QTMAN: variants seen among roughly 807,000 people sequenced by gnomAD.
QTMAN encodes the protein queuosine-tRNA mannosyltransferase, also known as tRNA-queuosine alpha-mannosyltransferase.
the QTMAN span, among the ~76,000 whole-genome samples, chr2:144,209,483 C>T: frequency 3.3e-5 from 5 of 152,198 alleles, no homozygotes; most frequent in Middle Eastern, 3.2e-3. Context: ...CAAAATGGAA[C>T]ACCAAAACAA....
chr2:144,015,673 G>T, the QTMAN span, among the ~76,000 whole-genome samples: 36 of 152,226 alleles, frequency 2.4e-4, no homozygotes, highest in South Asian at 7.3e-3. Context: ...TCACAAATGG[G>T]GTATGTTCAG....
At chr2:144,297,060 G>C in the QTMAN span, among the ~76,000 whole-genome samples, 2 of 152,126 alleles carry the variant, frequency 1.3e-5, no homozygotes, top group African/African-American at 4.8e-5. Context: ...ACTAAGGAAT[G>C]CATTACGTGA....
At chr2:144,103,764 A>C in the QTMAN span, among the ~76,000 whole-genome samples, 3 of 152,238 alleles carry the variant, frequency 2.0e-5, no homozygotes, top group African/African-American at 7.2e-5. Flanking sequence ...CTGTCCAAAA[A>C]TTCTATTAAT....
chr2:144,028,232 G>C, the QTMAN span, among the ~76,000 whole-genome samples: 1 of 152,140 alleles, frequency 6.6e-6, no homozygotes, highest in South Asian at 2.1e-4. Context: ...TGTTGAGAGG[G>C]TAAAGTATAA....
At chr2:144,202,882 T>C in the QTMAN span, among the ~76,000 whole-genome samples, 46 of 152,346 alleles carry the variant, frequency 3.0e-4, no homozygotes, top group Middle Eastern at 3.4e-3. Context: ...AAGTGTCTAC[T>C]TGAAGTTGCA....
chr2:144,143,978 T>C, the QTMAN span, among the ~76,000 whole-genome samples: 1 of 151,958 alleles, frequency 6.6e-6, no homozygotes, highest in Non-Finnish European at 1.5e-5. Context: ...GGACTGCCTT[T>C]TGACACTCTT....
chr2:144,224,759 G>A, the QTMAN span, among the ~76,000 whole-genome samples: 11 of 152,120 alleles, frequency 7.2e-5, no homozygotes, highest in African/African-American at 1.9e-4. Flanking sequence ...AGCTCTGTGC[G>A]ACCACAAAAC....
chr2:143,992,262 T>G, the QTMAN span, among the ~76,000 whole-genome samples: 4 of 149,462 alleles, frequency 2.7e-5, no homozygotes, highest in Admixed American at 2.7e-4. Context: ...CTGAAACATG[T>G]GCTGTGCCCA....
chr2:144,282,112 C>G, the QTMAN span, among the ~76,000 whole-genome samples: 1 of 152,132 alleles, frequency 6.6e-6, no homozygotes, highest in Non-Finnish European at 1.5e-5. Context: ...GACCCTGCAC[C>G]TGGTTTAATG....
At chr2:144,193,041 G>C in the QTMAN span, among the ~76,000 whole-genome samples, 1 of 152,060 alleles carries the variant, frequency 6.6e-6, no homozygotes, top group Non-Finnish European at 1.5e-5. Context: ...CTTTGTATTA[G>C]AAAGTCAGTC....
the QTMAN span, among the ~76,000 whole-genome samples, chr2:144,111,013 T>C: frequency 6.6e-6 from 1 of 152,158 alleles, no homozygotes; most frequent in African/African-American, 2.4e-5. Context: ...TTTGACTCTA[T>C]TAATATAGGA....
chr2:143,979,190 G>C, the QTMAN span, among the ~76,000 whole-genome samples: 1 of 151,742 alleles, frequency 6.6e-6, no homozygotes, highest in Non-Finnish European at 1.5e-5. Context: ...TCACTGGATG[G>C]GCTCAGTGGT....
the QTMAN span, among the ~76,000 whole-genome samples, chr2:143,993,872 C>T: frequency 6.6e-6 from 1 of 152,064 alleles, no homozygotes; most frequent in Non-Finnish European, 1.5e-5. Context: ...CACTCATAAA[C>T]AGGAGTATAA....
At chr2:143,964,202 C>T in the QTMAN span, 9 of 152,006 alleles carry the variant, frequency 5.9e-5, no homozygotes, top group African/African-American at 2.2e-4. Context: ...AGGGGAGGAA[C>T]CATGTCTTCA....
At chr2:144,135,766 A>T in the QTMAN span, among the ~76,000 whole-genome samples, 1 of 152,168 alleles carries the variant, frequency 6.6e-6, no homozygotes, top group African/African-American at 2.4e-5. Flanking sequence ...AAAATTGTTA[A>T]GAGTTTGGGT....
At chr2:143,986,614 G>GT in the QTMAN span, among the ~76,000 whole-genome samples, 1 of 152,156 alleles carries the variant, frequency 6.6e-6, no homozygotes, top group Non-Finnish European at 1.5e-5. Context: ...TTCAAAGCAG[G>GT]TTCATCCTAA....
At chr2:144,324,390 A>G in the QTMAN span, among the ~76,000 whole-genome samples, 1 of 152,184 alleles carries the variant, frequency 6.6e-6, no homozygotes, top group Non-Finnish European at 1.5e-5. Flanking sequence ...CACCATTTGA[A>G]TACGACAACA....
chr2:144,318,661 G>C, the QTMAN span, among the ~76,000 whole-genome samples: 1 of 152,190 alleles, frequency 6.6e-6, no homozygotes, highest in Admixed American at 6.5e-5. Context: ...AAAACATGCA[G>C]TGGTGGCAGT....
the QTMAN span, chr2:144,141,807 T>C: frequency 2.7e-5 from 30 of 1,131,074 alleles, no homozygotes; most frequent in Admixed American, 4.5e-4. Flanking sequence ...AAAACTGGCA[T>C]GAAGAACATC....
Sources: gnomAD v4.1 joint callset for allele counts (sites outside exome capture counted in the v4.1 genomes callset) on GRCh38, gnomAD v4.1.1 for gene constraint, MANE v1.5 for transcripts, NCBI Gene and HGNC (gene_info 2026-07-23, HGNC 2026-07-21) for gene names.